The following ARHGAP22 variants were observed in gnomAD, a reference collection of about 807,000 sequenced individuals.
ARHGAP22 encodes the protein rho GTPase-activating protein 22.
A neutral mutation model predicts 59.1 loss-of-function variants in ARHGAP22; 48 were observed. That is an observed-to-expected ratio of 0.81 (90% confidence interval 0.64 to 1.03). The LOEUF (loss-of-function observed/expected upper bound fraction) is 1.03. Ranked by LOEUF, ARHGAP22 falls within the 50% of genes least tolerant of loss-of-function variation. The pLI, the probability that ARHGAP22 is intolerant of heterozygous loss-of-function variation, is 0.00. For synonymous variants in ARHGAP22, 445 were observed against 416.4 expected, an observed-to-expected ratio of 1.07 and a Z score of -0.84; for missense variants, 1,015 against 958.7, an observed-to-expected ratio of 1.06 and a Z score of -0.78.
intron 3 of ARHGAP22, among the ~76,000 whole-genome samples, chr10:48,539,873 T>C (rs1365856502): frequency 6.6e-6 from 1 of 152,258 alleles, no homozygotes; most frequent in Admixed American, 6.5e-5. Context: ...CATTGACTTA[T>C]AATAAATTTT....
At chr10:48,496,939 GA>G (rs765046680) in intron 3 of ARHGAP22, among the ~76,000 whole-genome samples, 20 of 152,152 alleles carry the variant, frequency 1.3e-4, no homozygotes, top group Non-Finnish European at 2.8e-4. Context: ...TCCTAGCTCA[GA>G]GTGAAATGGG....
rs112666329 is a variant in ARHGAP22 at position 48,523,048 on chromosome 10, G to A, written c.322+32415C>T. Among the ~76,000 whole-genome samples, 119 of 152,256 alleles carry A rather than the reference G, an allele frequency of 7.8e-4. 2 individuals are homozygous for A. Among genetic ancestry groups the A allele is most frequent in the African/African-American group, 2.8e-3 (117 of 41,466 alleles). On this transcript the variant is annotated intron_variant, in intron 3 of 9. Coordinates refer to ENST00000249601, the MANE Select transcript of ARHGAP22 (RefSeq NM_021226.4). ...GATGGCACCATTCTCACCTGGACAA[G>A]GTCGAAGGCTGCCTGACCTTTTCTG...
At chr10:48,587,730 C>T (rs2059513827) in intron 1 of ARHGAP22, among the ~76,000 whole-genome samples, 1 of 152,008 alleles carries the variant, frequency 6.6e-6, no homozygotes, top group Non-Finnish European at 1.5e-5. Flanking sequence ...GAGCTACATC[C>T]CTGATTCTGT....
intron 1 of ARHGAP22, among the ~76,000 whole-genome samples, chr10:48,651,900 G>A (rs1026230239): frequency 4.6e-5 from 7 of 152,066 alleles, no homozygotes; most frequent in East Asian, 3.9e-4. Flanking sequence ...TGCACACAGC[G>A]TTCCCCTGTG....
In ARHGAP22 at chr10:48,489,761, T is replaced by C. The variant is rs185250294; in HGVS notation, c.323-9997A>G. On this transcript the variant is annotated intron_variant, in intron 3 of 9. Transcript: ENST00000249601. Reference sequence around the variant, plus strand: ...TTTTTTTTTTTTTTTTGAGACGGAGTCTCACACTGTAGCCCAGGCTGGAGT... The same window carrying C: ...TTTTTTTTTTTTTTTTGAGACGGAGCCTCACACTGTAGCCCAGGCTGGAGT... Among the ~76,000 whole-genome samples the C allele has an allele frequency of 2.2e-3, 287 of 133,300 alleles. 1 individual carries two copies. The highest frequency in any genetic ancestry group is 7.7e-3 in the African/African-American group (265 of 34,234). The allele number at this position is 133,300 out of a possible 152,430, so 87.4% of individuals were successfully genotyped here.
chr10:48,561,255 G>A (rs1590192107), intron 2 of ARHGAP22, among the ~76,000 whole-genome samples: 1 of 152,212 alleles, frequency 6.6e-6, no homozygotes, highest in African/African-American at 2.4e-5. Flanking sequence ...CAATTCATTG[G>A]AGAAGATATT....
intron 2 of ARHGAP22, among the ~76,000 whole-genome samples, chr10:48,564,916 C>T (rs1288383399): frequency 6.6e-6 from 1 of 152,186 alleles, no homozygotes; most frequent in African/African-American, 2.4e-5. Context: ...AAGAATGATC[C>T]GTCTTGGGAA....
intron 2 of ARHGAP22, among the ~76,000 whole-genome samples, chr10:48,562,616 A>T (rs1220291389): frequency 6.6e-6 from 1 of 152,174 alleles, no homozygotes; most frequent in Admixed American, 6.5e-5. Context: ...GCCTGGGGTC[A>T]GGGGTCAGGA....
intron 1 of ARHGAP22, among the ~76,000 whole-genome samples, chr10:48,627,788 G>C (rs909407214): frequency 3.7e-4 from 56 of 152,190 alleles, no homozygotes; most frequent in African/African-American, 1.2e-3. Context: ...GGGTCACTTT[G>C]GGCCCGGCCT....
At chr10:48,608,135 A>T (rs2060745274), upstream of ARHGAP22, among the ~76,000 whole-genome samples, 1 of 152,242 alleles carries the variant, frequency 6.6e-6, no homozygotes, top group Admixed American at 6.5e-5. Flanking sequence ...ACAGCTTTAG[A>T]AGACAACTGC....
chr10:48,466,394 C>T (rs1015268975), intron 4 of ARHGAP22, among the ~76,000 whole-genome samples: 1 of 152,008 alleles, frequency 6.6e-6, no homozygotes, highest in Non-Finnish European at 1.5e-5. Context: ...CCCTGGGAAC[C>T]GTCCCGCAGC....
chr10:48,654,896 C>CTCCTCCCT (rs1382404773), upstream of ARHGAP22, among the ~76,000 whole-genome samples: 1,398 of 138,300 alleles, frequency 0.01, 29 homozygotes, highest in African/African-American at 0.036. Flanking sequence ...TTTCTTTTCT[C>CTCCTCCCT]TCCTCCCTTC....
At chr10:48,532,167 G>A (rs143288384) in intron 3 of ARHGAP22, among the ~76,000 whole-genome samples, 473 of 152,226 alleles carry the variant, frequency 3.1e-3, no homozygotes, top group Non-Finnish European at 5.5e-3. Flanking sequence ...ATGGACACCC[G>A]CCCAGGTTAT....
At chr10:48,453,708 C>G (rs557717583) in intron 7 of ARHGAP22, among the ~76,000 whole-genome samples, 1 of 152,224 alleles carries the variant, frequency 6.6e-6, no homozygotes, top group African/African-American at 2.4e-5. Context: ...CTGGGAAGTC[C>G]CAGACCCCAG....
intron 5 of ARHGAP22, among the ~76,000 whole-genome samples, chr10:48,457,130 T>C (rs1172230957): frequency 6.6e-6 from 1 of 152,042 alleles, no homozygotes; most frequent in Non-Finnish European, 1.5e-5. Flanking sequence ...AAGGTGACCC[T>C]CCATCTGCAG....
chr10:48,638,914 TTCTC>T (rs2061932703), intron 1 of ARHGAP22, among the ~76,000 whole-genome samples: 2 of 151,938 alleles, frequency 1.3e-5, no homozygotes, highest in Non-Finnish European at 2.9e-5. Context: ...AGTCAGCAAA[TTCTC>T]TCCCAAAAAC....
chr10:48,492,676 C>A (rs1391334085), intron 3 of ARHGAP22, among the ~76,000 whole-genome samples: 3 of 152,064 alleles, frequency 2.0e-5, no homozygotes, highest in African/African-American at 7.2e-5. Flanking sequence ...GCCTCAGCCT[C>A]CCGAGTAGCT....
chr10:48,608,060 T>A (rs1181207547), upstream of ARHGAP22, among the ~76,000 whole-genome samples: 4 of 152,234 alleles, frequency 2.6e-5, no homozygotes, highest in Non-Finnish European at 2.9e-5. Context: ...TTAACTAGTC[T>A]GCAGTGTTTA....
chr10:48,510,977 G>C (rs1234456505), intron 3 of ARHGAP22: 1 of 152,350 alleles, frequency 6.6e-6, no homozygotes, highest in Non-Finnish European at 1.5e-5. Flanking sequence ...GCAAGAGGGG[G>C]TCAGGGTTTG....
Sources: gnomAD v4.1 joint callset for allele counts (sites outside exome capture counted in the v4.1 genomes callset) on GRCh38, gnomAD v4.1.1 for gene constraint, MANE v1.5 for transcripts, NCBI Gene and HGNC (gene_info 2026-07-23, HGNC 2026-07-21) for gene names.